Variants in ADGRG2 observed in about 807,000 individuals in gnomAD.
ADGRG2 encodes the protein G protein-coupled receptor 64.
Under a neutral mutation model 74.1 loss-of-function variants are expected in ADGRG2, and 26 were observed. The ratio of observed to expected loss-of-function variants is 0.35; its 90% CI spans 0.26 to 0.49. The LOEUF (loss-of-function observed/expected upper bound fraction) is 0.49. ADGRG2 is among the 20% of genes least tolerant of loss of function. The probability of loss-of-function intolerance (pLI) is 0.99; values close to 1 mark genes in which losing one functional copy is unlikely to be tolerated. For synonymous variants in ADGRG2, 296 were observed against 295.2 expected (o/e 1.00, Z -0.03); for missense variants, 619 against 763.1 (o/e 0.81, Z 2.22).
chrX:19,090,955 A>G (rs1640457945), intron 1 of ADGRG2, among the ~76,000 whole-genome samples: 1 of 111,381 alleles, frequency 9.0e-6, no homozygotes, highest in South Asian at 3.8e-4. Context: ...GATCTGACCT[A>G]AGGGACTGGG....
At chrX:19,008,224 C>T in intron 18 of ADGRG2, 101 bp from the exon 19 acceptor site, 1 of 542,288 alleles carries the variant, frequency 1.8e-6, no homozygotes, top group Non-Finnish European at 2.8e-6. Context: ...CAGTATGTGC[C>T]ATTTTTTTTT....
At chrX:19,064,729 A>C (rs768059226) in intron 3 of ADGRG2, among the ~76,000 whole-genome samples, 1 of 112,442 alleles carries the variant, frequency 8.9e-6, no homozygotes, top group South Asian at 3.7e-4. Context: ...AAGGCACCAT[A>C]GTATAGAGGT....
intron 3 of ADGRG2, among the ~76,000 whole-genome samples, chrX:19,066,273 G>A (rs777728608): frequency 1.8e-5 from 2 of 111,233 alleles, no homozygotes; most frequent in South Asian, 7.5e-4. Context: ...ATTTGTATGT[G>A]TGTTTTATTT....
chrX:19,114,449 G>T (rs1240634241), intron 1 of ADGRG2, among the ~76,000 whole-genome samples: 2 of 111,668 alleles, frequency 1.8e-5, no homozygotes, highest in Non-Finnish European at 1.9e-5. Context: ...CTGGACATCG[G>T]TATTGATTTA....
chrX:19,120,702 C>T, intron 1 of ADGRG2, among the ~76,000 whole-genome samples: 1 of 111,730 alleles, frequency 9.0e-6, no homozygotes, highest in East Asian at 2.8e-4. Context: ...AAGGAGAGGC[C>T]CCTTGTTCAA....
At chrX:19,120,925 T>G (rs949887428) in intron 1 of ADGRG2, among the ~76,000 whole-genome samples, 2 of 112,363 alleles carry the variant, frequency 1.8e-5, no homozygotes, top group African/African-American at 6.5e-5. Flanking sequence ...ATTGACGTAT[T>G]TAGAAAGCCA....
intron 28 of ADGRG2, among the ~76,000 whole-genome samples, chrX:18,991,337 T>C (rs1289460239): frequency 1.8e-5 from 2 of 111,209 alleles, no homozygotes; most frequent in Non-Finnish European, 3.8e-5. Flanking sequence ...AATATATTAA[T>C]AAAAGGCCCA....
intron 16 of ADGRG2, among the ~76,000 whole-genome samples, chrX:19,010,988 T>C (rs1342637008): frequency 3.6e-5 from 4 of 112,137 alleles, no homozygotes; most frequent in African/African-American, 1.3e-4. Context: ...CGAATGTCCA[T>C]GAACTGGAGA....
intron 3 of ADGRG2, among the ~76,000 whole-genome samples, chrX:19,057,033 A>T (rs2146853881): frequency 9.0e-6 from 1 of 111,545 alleles, no homozygotes; most frequent in South Asian, 3.8e-4. Flanking sequence ...TCACAGTTTC[A>T]ACAATAAGGT....
chrX:19,107,088 T>C (rs1232391850), intron 1 of ADGRG2, among the ~76,000 whole-genome samples: 1 of 111,334 alleles, frequency 9.0e-6, no homozygotes, highest in Non-Finnish European at 1.9e-5. Context: ...CCCAGGAACA[T>C]GGAGGCAGCT....
At chrX:19,041,188 T>C (rs904361421) in intron 3 of ADGRG2, among the ~76,000 whole-genome samples, 1 of 112,111 alleles carries the variant, frequency 8.9e-6, no homozygotes, top group African/African-American at 3.2e-5. Flanking sequence ...TTGTATGTAC[T>C]ATTTATCTAT....
rs766587727 is a variant in ADGRG2, at chrX:19,110,543, G to T, written c.-47+11899C>A. Among the ~76,000 whole-genome samples the T allele has an allele frequency of 1.1e-4, 12 of 109,534 alleles. No individual in the cohort carries two copies. In the Admixed American group the frequency reaches 1.2e-3, roughly 11 times the overall value. On this transcript the variant is annotated intron_variant, in intron 1 of 28. Coordinates refer to ENST00000379869, the MANE Select transcript of ADGRG2 (RefSeq NM_001079858.3). ...TCTACTAAAAATACAAAAATTAGCC[G>T]GGTGTGGTTGCATGCACCTATAATC... is the stretch of plus-strand genomic sequence containing the variant.
chrX:19,024,008 C>T, intron 11 of ADGRG2, 60 bp from the exon 12 acceptor site: 1 of 840,146 alleles, frequency 1.2e-6, no homozygotes, highest in Non-Finnish European at 1.8e-6. Context: ...AAATTGAAAA[C>T]ATGTTAGATT....
At chrX:19,060,542 C>CTTTTTT (rs58196298) in intron 3 of ADGRG2, among the ~76,000 whole-genome samples, 1 of 87,092 alleles carries the variant, frequency 1.1e-5, no homozygotes, top group Non-Finnish European at 2.3e-5. Context: ...GGCAGGTATT[C>CTTTTTT]TTTTTTTTTT....
At chrX:19,037,522 G>C in intron 5 of ADGRG2, 32 bp from the exon 6 acceptor site, 1 of 1,154,206 alleles carries the variant, frequency 8.7e-7, no homozygotes. Context: ...ACAATACAAA[G>C]ATATAATTAA....
At chrX:19,049,305 C>A (rs1193243214) in intron 3 of ADGRG2, among the ~76,000 whole-genome samples, 2 of 111,534 alleles carry the variant, frequency 1.8e-5, no homozygotes, top group Non-Finnish European at 3.8e-5. Context: ...TGCCATCTGG[C>A]GAGTTAATAT....
Position 19,010,675 on chromosome X carries a change from C to G in ADGRG2, c.1203G>C (p.Met401Ile). 1 of 1,209,009 alleles carries G rather than the reference C, an allele frequency of 8.3e-7. No individual in the cohort carries two copies. Among genetic ancestry groups the G allele is most frequent in the African/African-American group, 1.7e-5 (1 of 57,687 alleles). Reference sequence around the variant, plus strand: ...GAAGGAGTCTGCTGACTTGGTTGATCATTTCTCCTGCGAGGTTAGGCTCCA... The same window carrying G: ...GAAGGAGTCTGCTGACTTGGTTGATGATTTCTCCTGCGAGGTTAGGCTCCA... ...GSLEPNLAGE[M>I]INQVSRLLHS... is the part of the protein sequence containing the mutation. Residue 401 changes from methionine (M) to isoleucine (I), a missense_variant, in exon 17 of 29, where the codon ATG (methionine) becomes ATC (isoleucine). Met to Ile is a conservative substitution (Grantham distance 10, BLOSUM62 1). Coordinates refer to ENST00000379869, the MANE Select transcript of ADGRG2 (RefSeq NM_001079858.3).
At chrX:19,042,053 G>A (rs2061077135) in intron 3 of ADGRG2, among the ~76,000 whole-genome samples, 1 of 111,338 alleles carries the variant, frequency 9.0e-6, no homozygotes, top group Admixed American at 9.6e-5. Flanking sequence ...TGAGGCTCAA[G>A]CACTCACCTC....
intron 3 of ADGRG2, among the ~76,000 whole-genome samples, chrX:19,052,034 GTA>G (rs1480923857): frequency 8.9e-6 from 1 of 112,226 alleles, no homozygotes; most frequent in East Asian, 2.8e-4. Context: ...AATTCACACT[GTA>G]TATCTTATAT....
Sources: gnomAD v4.1 joint callset for allele counts (sites outside exome capture counted in the v4.1 genomes callset) on GRCh38, gnomAD v4.1.1 for gene constraint, MANE v1.5 for transcripts, NCBI Gene and HGNC (gene_info 2026-07-23, HGNC 2026-07-21) for gene names.